Variants in CBFA2T2 observed in about 807,000 individuals in gnomAD.
The protein encoded by CBFA2T2 is protein CBFA2T2.
CBFA2T2 carries 11 observed loss-of-function variants against 62.2 expected under a neutral mutation model. That is an observed-to-expected ratio of 0.18 (90% CI 0.11 to 0.29). CBFA2T2 has a LOEUF of 0.29. CBFA2T2 is among the 10% of genes least tolerant of loss of function. CBFA2T2 has a pLI of 1.00. For missense variants in CBFA2T2, 592 were observed against 774.1 expected (o/e 0.76, Z 2.79); for synonymous variants, 295 against 287.5 (o/e 1.03, Z -0.27).
At chr20:33,535,555 C>T (rs1275259356) in intron 1 of CBFA2T2, among the ~76,000 whole-genome samples, 1 of 149,386 alleles carries the variant, frequency 6.7e-6, no homozygotes, top group Non-Finnish European at 1.5e-5. Flanking sequence ...CAGGAGAAGG[C>T]TTCTTTGTTA....
chr20:33,595,438 T>G (rs893651568), intron 1 of CBFA2T2, among the ~76,000 whole-genome samples: 4 of 152,136 alleles, frequency 2.6e-5, no homozygotes, highest in African/African-American at 9.7e-5. Flanking sequence ...TCTCGATCTC[T>G]TGACCTTGTG....
intron 1 of CBFA2T2, among the ~76,000 whole-genome samples, chr20:33,597,286 A>G (rs2014933984): frequency 6.6e-6 from 1 of 152,168 alleles, no homozygotes; most frequent in Non-Finnish European, 1.5e-5. Flanking sequence ...TCACCTCAGT[A>G]GTAGAAGACT....
intron 1 of CBFA2T2, among the ~76,000 whole-genome samples, chr20:33,504,164 A>G (rs1055390338): frequency 6.6e-5 from 10 of 152,098 alleles, no homozygotes; most frequent in African/African-American, 2.4e-4. Flanking sequence ...TTCACTTACC[A>G]TAATGCTTTT....
intron 8 of CBFA2T2, 67 bp downstream of exon 8, chr20:33,629,981 G>T: frequency 7.2e-7 from 1 of 1,389,950 alleles, no homozygotes; most frequent in Non-Finnish European, 9.6e-7. Flanking sequence ...ATCTGTCACA[G>T]AAGGCGTTTT....
At chr20:33,642,649 GA>G (rs2016900267) in intron 10 of CBFA2T2, among the ~76,000 whole-genome samples, 1 of 152,030 alleles carries the variant, frequency 6.6e-6, no homozygotes, top group Non-Finnish European at 1.5e-5. Flanking sequence ...ATGGCAAGAT[GA>G]GGGGGAAAGA....
At chr20:33,617,252 A>G (rs912111191) in intron 3 of CBFA2T2, among the ~76,000 whole-genome samples, 2 of 152,118 alleles carry the variant, frequency 1.3e-5, no homozygotes, top group African/African-American at 4.8e-5. Flanking sequence ...AAAAATTTTT[A>G]AGCAAATACG....
chr20:33,597,903 A>G (rs1374070417), intron 1 of CBFA2T2, among the ~76,000 whole-genome samples: 2 of 152,190 alleles, frequency 1.3e-5, no homozygotes, highest in Non-Finnish European at 2.9e-5. Flanking sequence ...GGCCAGCTTG[A>G]GAAATAAAGG....
chr20:33,541,863 G>C (rs939155121), intron 1 of CBFA2T2, among the ~76,000 whole-genome samples: 1 of 151,770 alleles, frequency 6.6e-6, no homozygotes, highest in Admixed American at 6.6e-5. Flanking sequence ...TTGTCTTAGT[G>C]CTACAGGTTT....
intron 1 of CBFA2T2, among the ~76,000 whole-genome samples, chr20:33,549,907 T>G (rs572930760): frequency 6.6e-6 from 1 of 150,572 alleles, no homozygotes; most frequent in South Asian, 2.1e-4. Flanking sequence ...CCTGAGAGAT[T>G]GGGACCAAGA....
intron 1 of CBFA2T2, among the ~76,000 whole-genome samples, chr20:33,538,426 C>A (rs983400740): frequency 3.3e-5 from 5 of 151,920 alleles, no homozygotes; most frequent in African/African-American, 7.3e-5. Context: ...GACTGGAGTG[C>A]AGTGGCCCAA....
chr20:33,517,711 G>A (rs1409373945), intron 1 of CBFA2T2, among the ~76,000 whole-genome samples: 8 of 149,324 alleles, frequency 5.4e-5, no homozygotes, highest in African/African-American at 9.9e-5. Flanking sequence ...TTTTGAAGAC[G>A]GAGACTTGCT....
intron 1 of CBFA2T2, among the ~76,000 whole-genome samples, chr20:33,492,210 G>A (rs1420469845): frequency 2.0e-5 from 3 of 151,876 alleles, no homozygotes; most frequent in Non-Finnish European, 4.4e-5. Flanking sequence ...GTAGAGACAG[G>A]GTTTCACCAT....
chr20:33,598,491 CG>C (rs1555841888), intron 1 of CBFA2T2, among the ~76,000 whole-genome samples: 1 of 152,156 alleles, frequency 6.6e-6, no homozygotes, highest in Non-Finnish European at 1.5e-5. Flanking sequence ...GGCTCATCAG[CG>C]GTCAGAGTTT....
chr20:33,614,482 A>G (rs1420816846), intron 3 of CBFA2T2, among the ~76,000 whole-genome samples: 1 of 152,186 alleles, frequency 6.6e-6, no homozygotes, highest in African/African-American at 2.4e-5. Context: ...TATTCATATT[A>G]TCATACAACC....
chr20:33,574,026 C>T (rs1271452084), intron 1 of CBFA2T2: 22 of 1,166,310 alleles, frequency 1.9e-5, no homozygotes, highest in South Asian at 5.1e-5. Context: ...TGGGCTAAAG[C>T]GATCTTCCCA....
At chr20:33,607,336 C>A (rs981423423) in intron 2 of CBFA2T2, among the ~76,000 whole-genome samples, 2 of 152,104 alleles carry the variant, frequency 1.3e-5, no homozygotes, top group Non-Finnish European at 2.9e-5. Flanking sequence ...TATTCTTTGG[C>A]TGGTAACTAT....
intron 1 of CBFA2T2, among the ~76,000 whole-genome samples, chr20:33,502,886 C>T (rs1287428813): frequency 1.4e-4 from 21 of 150,066 alleles, no homozygotes; most frequent in Admixed American, 6.0e-4. Context: ...GTCAGGAGAT[C>T]GAGACCATCC....
chr20:33,644,336 G>A lies in CBFA2T2; in HGVS notation c.1489-11G>A, dbSNP rs1180462716. The A allele has an allele frequency of 1.9e-6, 3 of 1,602,954 alleles. No homozygotes were observed. The highest frequency in any genetic ancestry group is 1.3e-5 in the African/African-American group (1 of 74,824). The stretch of plus-strand genomic sequence containing the variant: ...TCCCAGCAACCACTAACTGATGCCT[G>A]TGTCTTGCAGAACTGCTGGAACTGT... On this transcript the variant is annotated splice_polypyrimidine_tract_variant and intron_variant, in intron 10 of 10. Coordinates refer to ENST00000342704, the MANE Select transcript of CBFA2T2 (RefSeq NM_001032999.3).
At chr20:33,495,136 G>A (rs1337487706) in intron 1 of CBFA2T2, among the ~76,000 whole-genome samples, 2 of 151,882 alleles carry the variant, frequency 1.3e-5, no homozygotes, top group Non-Finnish European at 2.9e-5. Context: ...GGTGGCTCGC[G>A]CCTGTAATCC....
Sources: allele counts gnomAD v4.1 joint callset (sites outside exome capture counted in the v4.1 genomes callset), GRCh38; gene constraint gnomAD v4.1.1; transcripts MANE v1.5; gene names NCBI Gene and HGNC (gene_info 2026-07-23, HGNC 2026-07-21).